Variants in DAPK3 observed in about 807,000 individuals in gnomAD.
DAPK3 encodes death-associated protein kinase 3.
Under a neutral mutation model 30.6 loss-of-function variants are expected in DAPK3, and 24 were observed. That is an observed-to-expected ratio of 0.78 (90% CI 0.57 to 1.10). The LOEUF is 1.10. DAPK3 is among the 50% of genes least tolerant of loss of function. The pLI, the probability that DAPK3 is intolerant of heterozygous loss-of-function variation, is 0.00. For missense variants in DAPK3, 629 were observed against 657.3 expected, an observed-to-expected ratio of 0.96 and a Z score of 0.47; for synonymous variants, 341 against 284.0, an observed-to-expected ratio of 1.20 and a Z score of -2.02.
intron 7 of DAPK3, among the ~76,000 whole-genome samples, chr19:3,960,596 T>G (rs2039498986): frequency 6.6e-6 from 1 of 151,638 alleles, no homozygotes; most frequent in Non-Finnish European, 1.5e-5. Flanking sequence ...CTGGGCAACA[T>G]GGTGAAGCCC....
chr19:3,959,090 C>T lies in DAPK3; in HGVS notation c.*11G>A. 1.3e-6 allele frequency: 2 copies of T among 1,485,458 alleles called. No homozygotes were observed. The highest frequency in any genetic ancestry group is 1.3e-5 in the South Asian group (1 of 76,638). 92.0% of individuals were successfully genotyped at this position (1,485,458 alleles called of 1,614,324 possible). On this transcript the variant is annotated 3_prime_UTR_variant, in exon 9 of 9. Coordinates refer to ENST00000545797, the MANE Select transcript of DAPK3 (RefSeq NM_001348.3). The stretch of plus-strand genomic sequence containing the variant: ...TCCGGCTGTCCTGGGGCCTGGCCCA[C>T]CCCACTGCGCCTAGCGCAGCCCGCA...
chr19:3,961,572 G>T (rs1220777201), intron 6 of DAPK3: 3 of 474,230 alleles, frequency 6.3e-6, no homozygotes, highest in Non-Finnish European at 1.3e-5. Context: ...CTCCCAGCCT[G>T]ACGCTGGGAG....
chr19:3,958,525 G>A lies in DAPK3; in HGVS notation c.*576C>T, dbSNP rs892762816. 15 of 456,732 alleles carry A rather than the reference G, an allele frequency of 3.3e-5. No homozygotes were observed. The highest frequency in any genetic ancestry group is 1.4e-4 in the East Asian group (2 of 14,390). The allele number at this position is 456,732 out of a possible 1,614,324, so 28.3% of individuals were successfully genotyped here. A position where few individuals can be genotyped will look rare whatever the true frequency, so the allele number is the denominator to read the frequency against. ...TTGCCTAGGCGTCCACAGGCGCGAC[G>A]ATGGGGCTCGCGGAGGAGTCCGCAG... On this transcript the variant is annotated 3_prime_UTR_variant, in exon 9 of 9. Transcript: ENST00000545797.
At chr19:3,966,161 G>A (rs2145339392) in intron 2 of DAPK3, among the ~76,000 whole-genome samples, 1 of 152,288 alleles carries the variant, frequency 6.6e-6, no homozygotes, top group Middle Eastern at 3.4e-3. Flanking sequence ...TCAGTGGCGG[G>A]AGGATTCAAA....
chr19:3,965,867 T>C (rs2039573016), intron 2 of DAPK3, among the ~76,000 whole-genome samples: 1 of 152,066 alleles, frequency 6.6e-6, no homozygotes, highest in Non-Finnish European at 1.5e-5. Context: ...GGTCTCACTA[T>C]GTTGCCCACG....
intron 6 of DAPK3, chr19:3,961,780 GA>G (rs1568191139): frequency 3.1e-6 from 1 of 318,884 alleles, no homozygotes. Context: ...CGAAGGAGCT[GA>G]ATGGCTAAAT....
intron 6 of DAPK3, chr19:3,961,632 GTCTGATCGTCTGA>G (rs2039515937): frequency 2.4e-6 from 1 of 412,002 alleles, no homozygotes; most frequent in Admixed American, 3.0e-5. Flanking sequence ...CTGAAGCCCC[GTCTGATCGTCTGA>G]TCGTGACAGC....
chr19:3,959,101 C>CT lies in DAPK3; in HGVS notation c.1364dup (p.Ter455=). 2 of 1,528,184 alleles carry CT rather than the reference C, an allele frequency of 1.3e-6. No individual in the cohort carries two copies. Among genetic ancestry groups the CT allele is most frequent in the Non-Finnish European group, 1.8e-6 (2 of 1,140,120 alleles). 94.7% of individuals were successfully genotyped at this position (1,528,184 alleles called of 1,614,324 possible). The change falls in exon 9 of 9, where the codon TAG becomes TAAG. Residue 455 remains the stop codon, a frameshift_variant and stop_retained_variant. Transcript: ENST00000545797. LOFTEE classifies it high-confidence loss of function. ...TGGGGCCTGGCCCACCCCACTGCGC[C>CT]TAGCGCAGCCCGCACTCCACGCCCT... The part of the protein sequence containing the change: ...KLQGVECGLR[*]
At chr19:3,965,828 T>C (rs2039572439) in intron 2 of DAPK3, among the ~76,000 whole-genome samples, 1 of 151,870 alleles carries the variant, frequency 6.6e-6, no homozygotes, top group Non-Finnish European at 1.5e-5. Flanking sequence ...CCACACCCAA[T>C]TAATTTTTTT....
Position 3,960,100 on chromosome 19 carries a change from T to G in DAPK3, c.787A>C (p.Arg263=). The G allele has an allele frequency of 6.4e-7, 1 of 1,554,124 alleles. No homozygotes were observed. The highest frequency in any genetic ancestry group is 8.9e-7 in the Non-Finnish European group (1 of 1,125,736). Residue 263 remains arginine (R), a synonymous_variant, in exon 8 of 9, where the codon AGA becomes CGA. Coordinates refer to ENST00000545797, the MANE Select transcript of DAPK3 (RefSeq NM_001348.3). ...TCCAGGCTCTGGGCAATGGTCATTC[T>G]CCGCCTGGAAGACCCCCGCTCTGGT... ...RRLLVKDPKR[R]MTIAQSLEHS...
chr19:3,960,164 C>G, intron 7 of DAPK3, 60 bp from the exon 8 acceptor site: 1 of 924,854 alleles, frequency 1.1e-6, no homozygotes, highest in Non-Finnish European at 1.8e-6. Context: ...CTCCCGTGAA[C>G]AACTGACTCC....
rs774762127 is a variant in DAPK3 at position 3,959,339 on chromosome 19, T to C, written c.1127A>G (p.Gln376Arg). The C allele has an allele frequency of 1.9e-6, 3 of 1,589,922 alleles. No individual in the cohort carries two copies. Among genetic ancestry groups the C allele is most frequent in the Non-Finnish European group, 2.6e-6 (3 of 1,175,552 alleles). ...WYREESDSLG[Q>R]DLRRLRQELL... ...CTCCTGCCGTAGCCTCCGCAGGTCCTGGCCCAGGCTGTCGCTCTCCTCGCG... is the reference window on the plus strand; with the variant it reads ...CTCCTGCCGTAGCCTCCGCAGGTCCCGGCCCAGGCTGTCGCTCTCCTCGCG... Residue 376 changes from glutamine to arginine, a missense_variant, in exon 9 of 9, where the codon CAG becomes CGG. Around this residue, in one of 2 missense-constraint regions of DAPK3, gnomAD observed 323 missense variants for 278.8 expected, o/e 1.16. Transcript: ENST00000545797.
rs771447960 is a variant in DAPK3, at chr19:3,963,624, G to GC, written c.629+18dup. 10 of 1,494,956 alleles carry GC rather than the reference G, an allele frequency of 6.7e-6. No homozygotes were observed. Among genetic ancestry groups the GC allele is most frequent in the South Asian group, 2.6e-5 (2 of 76,574 alleles). The allele number at this position is 1,494,956 out of a possible 1,614,324, so 92.6% of individuals were successfully genotyped here. A position where few individuals can be genotyped will look rare whatever the true frequency, so the allele number is the denominator to read the frequency against. On this transcript the variant is annotated intron_variant, in intron 6 of 8. Coordinates refer to ENST00000545797, the MANE Select transcript of DAPK3 (RefSeq NM_001348.3). ...CCAGCTGTGTTGCACAGCCGAGGGG[G>GC]CCCCCGCCAGGTACTCACAGGATAT...
At chr19:3,963,779 C>T (rs574346333) in intron 5 of DAPK3, 92 bp downstream of exon 5, 2 of 1,240,292 alleles carry the variant, frequency 1.6e-6, no homozygotes, top group African/African-American at 3.0e-5. Context: ...CATACCCCAA[C>T]AGCAGCAAGG....
At chr19:3,962,431 C>T (rs1268396889) in intron 6 of DAPK3, among the ~76,000 whole-genome samples, 1 of 152,214 alleles carries the variant, frequency 6.6e-6, no homozygotes, top group East Asian at 1.9e-4. Flanking sequence ...GAGCTATGCC[C>T]ATTCAATATG....
At position 3,969,743 on chromosome 19, in the gene DAPK3, G is replaced by A. The variant is rs781190195; in HGVS notation, c.-8C>T. The A allele has an allele frequency of 4.4e-6, 7 of 1,607,624 alleles. No individual in the cohort carries two copies. Among genetic ancestry groups the A allele is most frequent in the South Asian group, 3.3e-5 (3 of 90,964 alleles). On this transcript the variant is annotated 5_prime_UTR_variant, in exon 2 of 9. Coordinates refer to ENST00000545797, the MANE Select transcript of DAPK3 (RefSeq NM_001348.3). ...CTGCCTGAACGTGGACATGGCGGCC[G>A]GTCCGCCTTCCAGCAGCTTCCACTC...
At position 3,959,379 on chromosome 19, in the gene DAPK3, T is replaced by C. The variant is rs559756449; in HGVS notation, c.1087A>G (p.Lys363Glu). The C allele has an allele frequency of 1.6e-5, 25 of 1,577,758 alleles. No homozygotes were observed. Among genetic ancestry groups the C allele is most frequent in the South Asian group, 3.4e-5 (3 of 87,998 alleles). Residue 363 changes from lysine (K) to glutamate (E), a missense_variant, in exon 9 of 9, where the codon AAG becomes GAG. Transcript: ENST00000545797. ...VEALAAIYEE[K>E]EAWYREESDS... ...CTCTCCTCGCGGTACCAGGCCTCCT[T>C]CTCCTCGTAGATGGCGGCCAGCGCC...
intron 2 of DAPK3, among the ~76,000 whole-genome samples, chr19:3,965,977 G>T (rs956098597): frequency 6.6e-6 from 1 of 152,064 alleles, no homozygotes; most frequent in Admixed American, 6.6e-5. Flanking sequence ...TAGAGACAGG[G>T]TCTTGCCGTA....
chr19:3,961,545 G>A (rs1251298323), intron 6 of DAPK3: 1 of 492,592 alleles, frequency 2.0e-6, no homozygotes, highest in Non-Finnish European at 4.2e-6. Context: ...GCAGTGAGAG[G>A]CCCCAACAGC....
Sources: allele counts gnomAD v4.1 joint callset (sites outside exome capture counted in the v4.1 genomes callset), GRCh38; gene constraint gnomAD v4.1.1; regional missense constraint gnomAD v4.1.1; transcripts MANE v1.5; gene names NCBI Gene and HGNC (gene_info 2026-07-23, HGNC 2026-07-21).